MLLT3: variants seen among roughly 807,000 people sequenced by gnomAD.
MLLT3 encodes the protein MLLT3 super elongation complex subunit, also known as protein AF-9.
MLLT3 carries 4 observed loss-of-function variants against 53.2 expected under a neutral mutation model. The observed-to-expected ratio is 0.08, with a 90% CI of 0.04 to 0.17. The LOEUF (loss-of-function observed/expected upper bound fraction) is 0.17, where lower values mean the gene tolerates loss of function less well. Among genes scored for constraint, MLLT3 ranks in the 10% least tolerant of loss-of-function variants. MLLT3 has a pLI of 1.00. For missense variants in MLLT3, 569 were observed against 684.0 expected (o/e 0.83, Z 1.87); for synonymous variants, 283 against 230.6 (o/e 1.23, Z -2.06).
At chr9:20,445,511 T>C (rs1012634982) in intron 4 of MLLT3, among the ~76,000 whole-genome samples, 2 of 152,296 alleles carry the variant, frequency 1.3e-5, no homozygotes, top group Middle Eastern at 3.4e-3. Context: ...TTTTCAAGAT[T>C]CTCTGGCAAA....
At position 20,391,761 on chromosome 9, in the gene MLLT3, G is replaced by T. The variant is rs77247923; in HGVS notation, c.1125+21960C>A. Among the ~76,000 whole-genome samples the T allele has an allele frequency of 2.4e-4, 36 of 152,150 alleles. No individual in the cohort carries two copies. In the East Asian group the frequency reaches 6.9e-3, roughly 29 times the overall value. On this transcript the variant is annotated intron_variant, in intron 5 of 10. Coordinates refer to ENST00000380338, the MANE Select transcript of MLLT3 (RefSeq NM_004529.4). Reference sequence around the variant, plus strand: ...AGGTTTTAAAAATACACAATTCTTTGTCACTATCAAATGTACTTCTCTCAA... The same window carrying T: ...AGGTTTTAAAAATACACAATTCTTTTTCACTATCAAATGTACTTCTCTCAA...
chr9:20,597,577 A>C (rs6475464), intron 2 of MLLT3, among the ~76,000 whole-genome samples: 45,958 of 151,966 alleles, frequency 0.3, 7,482 homozygotes, highest in South Asian at 0.43. Flanking sequence ...CCTTCTTCTT[A>C]CTATGTTTAT....
At chr9:20,428,018 C>G (rs370379643) in intron 4 of MLLT3, among the ~76,000 whole-genome samples, 1 of 152,088 alleles carries the variant, frequency 6.6e-6, no homozygotes. Context: ...TATGTTCTTT[C>G]CAACTTTGCA....
intron 5 of MLLT3, among the ~76,000 whole-genome samples, chr9:20,389,197 G>T (rs1822122735): frequency 6.6e-6 from 1 of 152,158 alleles, no homozygotes; most frequent in East Asian, 1.9e-4. Context: ...AACTAATGAA[G>T]TTCTGGTACA....
At chr9:20,541,618 C>A (rs767789324) in intron 2 of MLLT3, among the ~76,000 whole-genome samples, 2 of 152,166 alleles carry the variant, frequency 1.3e-5, no homozygotes, top group Non-Finnish European at 2.9e-5. Flanking sequence ...AATCCGCCCC[C>A]ATGATCCAAT....
intron 2 of MLLT3, among the ~76,000 whole-genome samples, chr9:20,598,901 T>C (rs1397493900): frequency 1.3e-5 from 2 of 152,226 alleles, no homozygotes; most frequent in African/African-American, 2.4e-5. Flanking sequence ...TGCTTTAGGC[T>C]TCTGATTAGG....
chr9:20,483,615 T>C (rs1037868067), intron 2 of MLLT3, among the ~76,000 whole-genome samples: 15 of 151,230 alleles, frequency 9.9e-5, no homozygotes, highest in Non-Finnish European at 1.9e-4. Flanking sequence ...GTTAATACCA[T>C]ATTTTAAGTG....
chr9:20,451,081 A>G lies in MLLT3; in HGVS notation c.277-2815T>C, dbSNP rs1586958491. 2.6e-5 allele frequency among the ~76,000 whole-genome samples: 4 copies of G among 152,350 alleles called. No homozygotes were observed. The East Asian group carries it at 7.7e-4, about 29-fold the overall frequency. On this transcript the variant is annotated intron_variant, in intron 3 of 10. Coordinates refer to ENST00000380338, the MANE Select transcript of MLLT3 (RefSeq NM_004529.4). The stretch of plus-strand genomic sequence containing the variant: ...GAAACTAAGAATGATCATCATTACC[A>G]CATAACACCATTCAGGTGTTTAAAA...
Position 20,447,123 on chromosome 9 carries a change from T to C in MLLT3, c.420+1000A>G, listed in dbSNP as rs140096905. Among the ~76,000 whole-genome samples the C allele has an allele frequency of 2.6e-3, 399 of 152,222 alleles. 1 individual carries two copies. The highest frequency in any genetic ancestry group is 8.5e-3 in the African/African-American group (354 of 41,552). On this transcript the variant is annotated intron_variant, in intron 4 of 10. Coordinates refer to ENST00000380338, the MANE Select transcript of MLLT3 (RefSeq NM_004529.4). Reference sequence around the variant, plus strand: ...GGCAACTTTCTCATAATAGGAACAATAGCTTTTCTTAGGTTCTCAAAGTGG... The same window carrying C: ...GGCAACTTTCTCATAATAGGAACAACAGCTTTTCTTAGGTTCTCAAAGTGG...
chr9:20,592,241 T>C (rs1302018049), intron 2 of MLLT3, among the ~76,000 whole-genome samples: 2 of 152,206 alleles, frequency 1.3e-5, no homozygotes, highest in Non-Finnish European at 2.9e-5. Flanking sequence ...GTTTTAGATA[T>C]AAACCAGAAT....
rs1172855470 is a variant in MLLT3 at position 20,344,955 on chromosome 9, C to A, written c.*1488G>T. 2 of 216,166 alleles carry A rather than the reference C, an allele frequency of 9.3e-6. No individual in the cohort carries two copies. Among genetic ancestry groups the A allele is most frequent in the Admixed American group, 1.2e-4 (2 of 17,182 alleles). The allele number at this position is 216,166 out of a possible 1,614,324, so 13.4% of individuals were successfully genotyped here. ...TGGATCCAGAAGTATTTCTTCATTT[C>A]TCTTCTTTTCGGCTGAATTTCTAGT... On this transcript the variant is annotated 3_prime_UTR_variant, in exon 11 of 11. Transcript: ENST00000380338.
chr9:20,380,789 G>GT (rs916364111), intron 5 of MLLT3, among the ~76,000 whole-genome samples: 4 of 151,976 alleles, frequency 2.6e-5, no homozygotes, highest in East Asian at 1.9e-4. Context: ...TGTGAAATGC[G>GT]TAACAGAGTA....
intron 2 of MLLT3, chr9:20,533,050 T>C: frequency 3.8e-6 from 1 of 261,040 alleles, no homozygotes; most frequent in Non-Finnish European, 7.5e-6. Flanking sequence ...CCCATTGAGC[T>C]GGCTGTCTTC....
At chr9:20,582,019 C>T (rs1171259103) in intron 2 of MLLT3, among the ~76,000 whole-genome samples, 1 of 152,088 alleles carries the variant, frequency 6.6e-6, no homozygotes, top group Non-Finnish European at 1.5e-5. Flanking sequence ...ATTCTCCTTA[C>T]AAAACTAAGG....
intron 4 of MLLT3, among the ~76,000 whole-genome samples, chr9:20,425,383 T>C (rs2118802518): frequency 6.6e-6 from 1 of 152,254 alleles, no homozygotes; most frequent in South Asian, 2.1e-4. Flanking sequence ...TTCAGGAAGA[T>C]TAGAACATAG....
chr9:20,598,913 T>C (rs1486017236), intron 2 of MLLT3, among the ~76,000 whole-genome samples: 1 of 152,212 alleles, frequency 6.6e-6, no homozygotes, highest in African/African-American at 2.4e-5. Flanking sequence ...CTGATTAGGT[T>C]AAGAAAGGGA....
Position 20,543,731 on chromosome 9 carries a change from A to AAGG in MLLT3, c.193+76920_193+76922dup, listed in dbSNP as rs1028511111. On this transcript the variant is annotated intron_variant, in intron 2 of 10. Coordinates refer to ENST00000380338, the MANE Select transcript of MLLT3 (RefSeq NM_004529.4). ...GGAGGAGGACGGAGGAGGAAGGAGGAAGGAGGAGGAGGAGGATAAAAGGAA... is the reference window on the plus strand; with the variant it reads ...GGAGGAGGACGGAGGAGGAAGGAGGAAGGAGGAGGAGGAGGAGGATAAAAGGAA... Among the ~76,000 whole-genome samples the AAGG allele has an allele frequency of 9.4e-5, 14 of 148,534 alleles. No individual in the cohort carries two copies. The South Asian group carries it at 2.1e-3, about 23-fold the overall frequency.
chr9:20,414,369 GCTGCTGCTA>G lies in MLLT3; in HGVS notation c.468_476del (p.Ser188_Ser190del), dbSNP rs771319563. 161 of 1,604,050 alleles carry G rather than the reference GCTGCTGCTA, an allele frequency of 1.0e-4. No homozygotes were observed. Among genetic ancestry groups the G allele is most frequent in the African/African-American group, 2.4e-4 (18 of 74,600 alleles). ...TACTGCTGCTGCTGCTGCTGCTGCT[GCTGCTGCTA>G]CTGCTGCTGCTGCTGCTGCTGCTGG... is the stretch of plus-strand genomic sequence containing the variant. On this transcript the variant is annotated inframe_deletion, in exon 5 of 11. Transcript: ENST00000380338.
At chr9:20,404,523 T>C (rs1006796919) in intron 5 of MLLT3, among the ~76,000 whole-genome samples, 2 of 152,144 alleles carry the variant, frequency 1.3e-5, no homozygotes, top group African/African-American at 4.8e-5. Flanking sequence ...GTTTTTGATT[T>C]TGAAACGGTC....
Sources: allele counts gnomAD v4.1 joint callset (sites outside exome capture counted in the v4.1 genomes callset), GRCh38; gene constraint gnomAD v4.1.1; transcripts MANE v1.5; gene names NCBI Gene and HGNC (gene_info 2026-07-23, HGNC 2026-07-21).